Variants in STARD13 observed in about 807,000 individuals in gnomAD.
STARD13 encodes the protein stAR-related lipid transfer protein 13.
A neutral mutation model predicts 106.4 loss-of-function variants in STARD13; 62 were observed. The ratio of observed to expected loss-of-function variants is 0.58; its 90% CI spans 0.48 to 0.72. STARD13 has a LOEUF of 0.72. STARD13 is among the 30% of genes least tolerant of loss of function. STARD13 has a pLI of 0.00. For missense variants in STARD13, 1,387 were observed against 1,424.0 expected (o/e 0.97, Z 0.42); for synonymous variants, 565 against 553.0 (o/e 1.02, Z -0.31).
At chr13:33,528,479 A>T in the STARD13 span, among the ~76,000 whole-genome samples, 1 of 150,942 alleles carries the variant, frequency 6.6e-6, no homozygotes, top group Non-Finnish European at 1.5e-5. Flanking sequence ...TCGCTATGTT[A>T]CCCAGGCTGA....
chr13:33,630,528 A>C, the STARD13 span, among the ~76,000 whole-genome samples: 34 of 152,258 alleles, frequency 2.2e-4, no homozygotes, highest in Middle Eastern at 3.4e-3. Flanking sequence ...CAACGTAGTC[A>C]CTCTGCAAGA....
chr13:33,663,790 G>T, the STARD13 span, among the ~76,000 whole-genome samples: 1 of 152,142 alleles, frequency 6.6e-6, no homozygotes, highest in Non-Finnish European at 1.5e-5. Flanking sequence ...CTCTCAGATC[G>T]GGTTAGGACA....
At chr13:33,123,986 CA>C (rs1442412878) in intron 7 of STARD13, among the ~76,000 whole-genome samples, 3 of 152,194 alleles carry the variant, frequency 2.0e-5, no homozygotes, top group African/African-American at 4.8e-5. Context: ...AGGCCTTGGG[CA>C]GACTGGAATC....
chr13:33,668,474 A>G, the STARD13 span, among the ~76,000 whole-genome samples: 98 of 152,304 alleles, frequency 6.4e-4, 1 homozygote, highest in Admixed American at 4.3e-3. Flanking sequence ...GATTGCTAGG[A>G]CAGGGGGGCT....
chr13:33,286,032 G>T (rs886756638), upstream of STARD13, among the ~76,000 whole-genome samples: 14 of 152,158 alleles, frequency 9.2e-5, no homozygotes, highest in Admixed American at 7.2e-4. Context: ...AAAACAAGTA[G>T]AAGACAAACA....
At chr13:33,213,309 G>A (rs562056142) in intron 1 of STARD13, among the ~76,000 whole-genome samples, 1 of 152,266 alleles carries the variant, frequency 6.6e-6, no homozygotes, top group South Asian at 2.1e-4. Context: ...AAAGGAGAGG[G>A]AGAGAAATGG....
intron 1 of STARD13, among the ~76,000 whole-genome samples, chr13:33,180,741 T>C (rs2858123): frequency 6.6e-6 from 1 of 151,930 alleles, no homozygotes; most frequent in Non-Finnish European, 1.5e-5. Flanking sequence ...CAAATACCTT[T>C]CAAATACTTA....
the STARD13 span, among the ~76,000 whole-genome samples, chr13:33,393,751 C>A: frequency 6.6e-6 from 1 of 152,160 alleles, no homozygotes; most frequent in South Asian, 2.1e-4. Flanking sequence ...TACTATTTGA[C>A]AAAATAGGAA....
chr13:33,648,389 C>T, the STARD13 span, among the ~76,000 whole-genome samples: 1 of 152,194 alleles, frequency 6.6e-6, no homozygotes, highest in South Asian at 2.1e-4. Flanking sequence ...GCGGTTTCAG[C>T]CGATCTGGGG....
the STARD13 span, among the ~76,000 whole-genome samples, chr13:33,532,007 G>A: frequency 6.6e-6 from 1 of 152,080 alleles, no homozygotes; most frequent in Non-Finnish European, 1.5e-5. Flanking sequence ...CATCTTTTTA[G>A]TGATTATATA....
intron 3 of STARD13, among the ~76,000 whole-genome samples, chr13:33,157,940 C>T (rs1276188248): frequency 6.6e-6 from 1 of 152,192 alleles, no homozygotes; most frequent in Non-Finnish European, 1.5e-5. Context: ...AGTAGCTTCT[C>T]ATGACTTACA....
chr13:33,640,889 T>C, the STARD13 span, among the ~76,000 whole-genome samples: 1 of 152,192 alleles, frequency 6.6e-6, no homozygotes, highest in East Asian at 1.9e-4. Context: ...TCCCTGAAGT[T>C]CAAAGGTCAC....
intron 1 of STARD13, among the ~76,000 whole-genome samples, chr13:33,246,078 A>G (rs191628610): frequency 1.5e-3 from 221 of 152,352 alleles, no homozygotes; most frequent in African/African-American, 5.1e-3. Context: ...ATTGTAATGA[A>G]TAAGCTCAAG....
chr13:33,178,411 C>A (rs1884921195), intron 1 of STARD13, among the ~76,000 whole-genome samples: 1 of 152,190 alleles, frequency 6.6e-6, no homozygotes, highest in Non-Finnish European at 1.5e-5. Context: ...CCAGAACGTG[C>A]ATCCTGGTGA....
At chr13:33,256,260 C>A (rs1890359199) in intron 1 of STARD13, among the ~76,000 whole-genome samples, 1 of 152,200 alleles carries the variant, frequency 6.6e-6, no homozygotes, top group African/African-American at 2.4e-5. Context: ...CAATGATGTG[C>A]ATTTCATTAC....
upstream of STARD13, among the ~76,000 whole-genome samples, chr13:33,287,814 AAG>A (rs1286924730): frequency 2.0e-5 from 3 of 151,976 alleles, no homozygotes; most frequent in East Asian, 5.8e-4. Flanking sequence ...TTTTTACTGG[AAG>A]AGAATGGAAG....
At chr13:33,170,301 C>T (rs902317907) in intron 1 of STARD13, among the ~76,000 whole-genome samples, 6 of 152,098 alleles carry the variant, frequency 3.9e-5, no homozygotes, top group Admixed American at 2.6e-4. Flanking sequence ...TATGTCCCCA[C>T]AAAAATGAAA....
At chr13:33,135,404 A>G (rs909946676) in intron 4 of STARD13, among the ~76,000 whole-genome samples, 5 of 152,368 alleles carry the variant, frequency 3.3e-5, no homozygotes, top group South Asian at 2.1e-4. Flanking sequence ...GGTGAGTCCT[A>G]TGAGTGACAG....
chr13:33,226,738 A>G (rs953831582), intron 1 of STARD13, among the ~76,000 whole-genome samples: 2 of 152,120 alleles, frequency 1.3e-5, no homozygotes. Flanking sequence ...CCCGGCCTCA[A>G]ATTTACTTCT....
Sources: allele counts gnomAD v4.1 joint callset (sites outside exome capture counted in the v4.1 genomes callset), GRCh38; gene constraint gnomAD v4.1.1; transcripts MANE v1.5; gene names NCBI Gene and HGNC (gene_info 2026-07-23, HGNC 2026-07-21).